MUC5AC: variants seen among roughly 807,000 people sequenced by gnomAD.
MUC5AC encodes mucin-5AC.
MUC5AC carries 158 observed loss-of-function variants against 169.7 expected under a neutral mutation model. That is an observed-to-expected ratio of 0.93 (90% confidence interval 0.82 to 1.06). The LOEUF (loss-of-function observed/expected upper bound fraction) is 1.06, where lower values mean the gene tolerates loss of function less well. Among genes scored for constraint, MUC5AC ranks in the 50% least tolerant of loss-of-function variants. The pLI is 0.00. For synonymous variants in MUC5AC, 1,975 were observed against 1,237.0 expected, an observed-to-expected ratio of 1.60 and a Z score of -12.52; for missense variants, 4,359 against 3,089.9, an observed-to-expected ratio of 1.41 and a Z score of -9.74.
chr11:1,199,930 T>C lies in MUC5AC; in HGVS notation c.16661T>C (p.Leu5554Pro). 1 of 764,344 alleles carries C rather than the reference T, an allele frequency of 1.3e-6. No homozygotes were observed. The allele number at this position is 764,344 out of a possible 1,614,324, so 47.3% of individuals were successfully genotyped here. ...TGCAGCTCCTCGGAGCCCGTGCGCCTGGCTTACTGCCGGGGGAACTGTGGG... is the reference window on the plus strand; with the variant it reads ...TGCAGCTCCTCGGAGCCCGTGCGCCCGGCTTACTGCCGGGGGAACTGTGGG... ...QGCSSSEPVR[L>P]AYCRGNCGDS... Residue 5554 changes from leucine to proline, a missense_variant, in exon 48 of 49, where the codon CTG (leucine) becomes CCG (proline). Transcript: ENST00000621226.
In MUC5AC at chr11:1,185,885, A is replaced by T; in HGVS notation, c.7740A>T (p.Thr2580=). The T allele has an allele frequency of 1.3e-6, 1 of 748,046 alleles. No individual in the cohort carries two copies. The highest frequency in any genetic ancestry group is 1.7e-5 in the African/African-American group (1 of 58,394). The allele number at this position is 748,046 out of a possible 1,614,324, so 46.3% of individuals were successfully genotyped here. Residue 2580 remains threonine, a synonymous_variant, in exon 31 of 49, where the codon ACA becomes ACT. Transcript: ENST00000621226. ...CCAGCCCTGTTCCTACCACGAGCAC[A>T]ACCTCTGCTCCTACAACCAGCACAA... ...TTPSPVPTTS[T]TSAPTTSTTS...
At chr11:1,177,767 G>T (rs1003421085) in intron 24 of MUC5AC, 134 bp downstream of exon 24, 7 of 396,846 alleles carry the variant, frequency 1.8e-5, no homozygotes, top group East Asian at 7.1e-5. Context: ...TGGGAAGTGG[G>T]GGGGACGGAG....
chr11:1,179,242 A>T lies in MUC5AC; in HGVS notation c.3478A>T (p.Ile1160Phe). ...GLCVSWRTPSICPLFCDYYNP... is the reference protein window; with the variant it reads ...GLCVSWRTPSFCPLFCDYYNP... ...GTGTGTGTCCTGGCGGACCCCGAGC[A>T]TCTGCCGTGAGTGCGAGTGGGCACC... is the stretch of plus-strand genomic sequence containing the variant. Residue 1160 changes from isoleucine (I) to phenylalanine (F), a missense_variant, in exon 26 of 49, where the codon ATC becomes TTC. Physicochemically the swap from Ile to Phe is conservative, Grantham distance 21. Coordinates refer to ENST00000621226, the MANE Select transcript of MUC5AC (RefSeq NM_001304359.2). 1.7e-6 allele frequency: 1 copy of T among 586,334 alleles called. No homozygotes were observed. Among genetic ancestry groups the T allele is most frequent in the Non-Finnish European group, 3.1e-6 (1 of 323,670 alleles). The allele number at this position is 586,334 out of a possible 1,614,324, so 36.3% of individuals were successfully genotyped here.
At chr11:1,173,292 TCCACTCACTCAC>T (rs1860593281) in intron 16 of MUC5AC, among the ~76,000 whole-genome samples, 46 of 126,838 alleles carry the variant, frequency 3.6e-4, no homozygotes, top group African/African-American at 5.4e-4. Context: ...CACTCACTCA[TCCACTCACTCAC>T]CCACTCACTC....
chr11:1,162,589 C>T lies in MUC5AC; in HGVS notation c.531C>T (p.Thr177=), dbSNP rs1307175535. The change falls in exon 5 of 49, where the codon ACC becomes ACT. Residue 177 remains threonine, a synonymous_variant. Transcript: ENST00000621226. ...TCATTCAGCAGAGCAGCAGCTACAC[C>T]AAGGTGGAGGCCAGGCTGGGCCTTG... ...GVLIQQSSSY[T]KVEARLGLVL... 8 of 1,612,630 alleles carry T rather than the reference C, an allele frequency of 5.0e-6. No individual in the cohort carries two copies. Among genetic ancestry groups the T allele is most frequent in the Non-Finnish European group, 6.8e-6 (8 of 1,179,874 alleles).
At chr11:1,175,877 T>G (rs1455812443) in intron 19 of MUC5AC, among the ~76,000 whole-genome samples, 3 of 127,224 alleles carry the variant, frequency 2.4e-5, no homozygotes, top group African/African-American at 9.5e-5. Context: ...ACACATCCAC[T>G]CATGCACATG....
chr11:1,165,909 G>C (rs28633709), intron 11 of MUC5AC, 149 bp downstream of exon 11: 267,725 of 1,116,628 alleles, frequency 0.24, 38,289 homozygotes, highest in African/African-American at 0.57. Flanking sequence ...AAGCACTCCA[G>C]CTCCCCAGCG....
In MUC5AC at chr11:1,188,509, C is replaced by T. The variant is rs1861009424; in HGVS notation, c.10364C>T (p.Thr3455Ile). The change falls in exon 31 of 49, where the codon ACC becomes ATC. Residue 3455 changes from threonine to isoleucine, a missense_variant. Coordinates refer to ENST00000621226, the MANE Select transcript of MUC5AC (RefSeq NM_001304359.2). ...STTSATTTST[T>I]SAPTSSTTST... ...ACCTCTGCTACTACAACCAGCACAA[C>T]CTCTGCCCCTACAAGCAGCACAACC... 4 of 723,174 alleles carry T rather than the reference C, an allele frequency of 5.5e-6. No homozygotes were observed. The highest frequency in any genetic ancestry group is 1.0e-5 in the Non-Finnish European group (4 of 395,438). The allele number at this position is 723,174 out of a possible 1,614,324, so 44.8% of individuals were successfully genotyped here.
intron 15 of MUC5AC, among the ~76,000 whole-genome samples, chr11:1,169,866 C>A: frequency 8.0e-6 from 1 of 125,720 alleles, no homozygotes; most frequent in South Asian, 3.0e-4. Flanking sequence ...ACCCATTCAC[C>A]CACTCACCCA....
At position 1,196,669 on chromosome 11, in the gene MUC5AC, A is replaced by G; in HGVS notation, c.15778A>G (p.Met5260Val). 1 of 762,666 alleles carries G rather than the reference A, an allele frequency of 1.3e-6. No homozygotes were observed. The allele number at this position is 762,666 out of a possible 1,614,324, so 47.2% of individuals were successfully genotyped here. ...CGAAGGCTGCTTCTGTCCGGAGGGC[A>G]TGACCCTCTTCAGCACCAGTGCCCA... ...ITEGCFCPEG[M>V]TLFSTSAQVC... The change falls in exon 39 of 49, where the codon ATG (methionine) becomes GTG (valine). Residue 5260 changes from methionine (M) to valine (V), a missense_variant. By Grantham distance (21) the Met-to-Val change is conservative (BLOSUM62 1). Coordinates refer to ENST00000621226, the MANE Select transcript of MUC5AC (RefSeq NM_001304359.2).
Position 1,190,308 on chromosome 11 carries a change from A to G in MUC5AC, c.12163A>G (p.Lys4055Glu). The G allele has an allele frequency of 1.5e-6, 1 of 687,118 alleles. No individual in the cohort carries two copies. Among genetic ancestry groups the G allele is most frequent in the Non-Finnish European group, 2.6e-6 (1 of 380,056 alleles). The allele number at this position is 687,118 out of a possible 1,614,324, so 42.6% of individuals were successfully genotyped here. A position where few individuals can be genotyped will look rare whatever the true frequency, so the allele number is the denominator to read the frequency against. ...EVRVLCCETP[K>E]GCPVTSTPVT... ...GCGTGTGCTCTGCTGCGAGACCCCC[A>G]AAGGCTGCCCCGTGACCTCCACACC... The change falls in exon 31 of 49, where the codon AAA (lysine) becomes GAA (glutamate). Residue 4055 changes from lysine to glutamate, a missense_variant. Physicochemically the swap from Lys to Glu is moderately conservative, Grantham distance 56. Coordinates refer to ENST00000621226, the MANE Select transcript of MUC5AC (RefSeq NM_001304359.2).
Position 1,196,928 on chromosome 11 carries a change from C to T in MUC5AC, c.15861+20C>T. 1 of 760,054 alleles carries T rather than the reference C, an allele frequency of 1.3e-6. No homozygotes were observed. Among genetic ancestry groups the T allele is most frequent in the South Asian group, 1.4e-5 (1 of 73,354 alleles). 47.1% of individuals were successfully genotyped at this position (760,054 alleles called of 1,614,324 possible). On this transcript the variant is annotated intron_variant, in intron 40 of 48. Transcript: ENST00000621226. ...GTGAAGGTGAGTGGAAGGCATGGCCCAAGAGGGCACTGGGGTCCAAGAGCC... is the reference window on the plus strand; with the variant it reads ...GTGAAGGTGAGTGGAAGGCATGGCCTAAGAGGGCACTGGGGTCCAAGAGCC...
chr11:1,193,576 T>C lies in MUC5AC; in HGVS notation c.14672T>C (p.Val4891Ala). The C allele has an allele frequency of 1.3e-6, 1 of 764,694 alleles. No homozygotes were observed. The allele number at this position is 764,694 out of a possible 1,614,324, so 47.4% of individuals were successfully genotyped here. ...ISLRPRTCPRVEKPTCANGYP... is the reference protein window; with the variant it reads ...ISLRPRTCPRAEKPTCANGYP... ...CTGCGCCCGCGCACGTGCCCGAGGG[T>C]GGAGAAGCCCACTTGTGCCAACGGC... Residue 4891 changes from valine to alanine, a missense_variant, in exon 33 of 49, where the codon GTG (valine) becomes GCG (alanine). By Grantham distance (64) the Val-to-Ala change is moderately conservative. Transcript: ENST00000621226.
In MUC5AC at chr11:1,157,988, G is replaced by C; in HGVS notation, c.-12G>C. ...GCTGAGGGACAGGGCACTCTTCCCC[G>C]CCGTCCACACAATGAGTGTTGGCCG... On this transcript the variant is annotated 5_prime_UTR_variant, in exon 1 of 49. Coordinates refer to ENST00000621226, the MANE Select transcript of MUC5AC (RefSeq NM_001304359.2). 6.4e-7 allele frequency: 1 copy of C among 1,571,776 alleles called. No individual in the cohort carries two copies. Among genetic ancestry groups the C allele is most frequent in the Non-Finnish European group, 8.6e-7 (1 of 1,158,396 alleles).
In MUC5AC at chr11:1,160,630, C is replaced by A; in HGVS notation, c.92C>A (p.Ser31Tyr). Residue 31 changes from serine to tyrosine, a missense_variant, in exon 2 of 49, where the codon TCC becomes TAC. Ser to Tyr is a moderately radical substitution (Grantham distance 144). Coordinates refer to ENST00000621226, the MANE Select transcript of MUC5AC (RefSeq NM_001304359.2). ...TCTGCAGGCCATGCCCAGGATGGCT[C>A]CTCCGAATCCAGCTACAAGCACCAC... ...TRHTGHAQDG[S>Y]SESSYKHHPA... 2 of 1,609,814 alleles carry A rather than the reference C, an allele frequency of 1.2e-6. No homozygotes were observed. The highest frequency in any genetic ancestry group is 1.7e-6 in the Non-Finnish European group (2 of 1,179,552).
rs987433848 is a variant in MUC5AC at position 1,174,095 on chromosome 11, T to C, written c.1966-401T>C. ...TTCACTCATTGGTTAACCATGTTTA[T>C]GGCATTTTTCTTGCACTTCCAGCCC... On this transcript the variant is annotated intron_variant, in intron 16 of 48. Coordinates refer to ENST00000621226, the MANE Select transcript of MUC5AC (RefSeq NM_001304359.2). 2.4e-3 allele frequency among the ~76,000 whole-genome samples: 363 copies of C among 152,390 alleles called. 2 individuals carry two copies. The highest frequency in any genetic ancestry group is 8.6e-3 in the African/African-American group (356 of 41,584).
rs1861414674 is a variant in MUC5AC at position 1,200,920 on chromosome 11, GC to G, written c.*222del. On this transcript the variant is annotated 3_prime_UTR_variant, in exon 49 of 49. Coordinates refer to ENST00000621226, the MANE Select transcript of MUC5AC (RefSeq NM_001304359.2). ...CGCCTGCAGCCACCTCTCAGGACCA[GC>G]CCCGGGGCTGGCCGAGCTCCTCTGG... 6.8e-6 allele frequency: 3 copies of G among 442,478 alleles called. No individual in the cohort carries two copies. Among genetic ancestry groups the G allele is most frequent in the South Asian group, 1.2e-4 (2 of 16,682 alleles). 27.4% of individuals were successfully genotyped at this position (442,478 alleles called of 1,614,324 possible). A position where few individuals can be genotyped will look rare whatever the true frequency, so the allele number is the denominator to read the frequency against.
At chr11:1,179,487 A>C (rs1458010571) in intron 26 of MUC5AC, among the ~76,000 whole-genome samples, 1 of 139,972 alleles carries the variant, frequency 7.1e-6, no homozygotes, top group African/African-American at 2.7e-5. Flanking sequence ...TGGCTGACAG[A>C]GGGGTCGCTG....
At position 1,160,510 on chromosome 11, in the gene MUC5AC, G is replaced by A. The variant is rs1012513333; in HGVS notation, c.74-102G>A. 6 of 999,566 alleles carry A rather than the reference G, an allele frequency of 6.0e-6. No individual in the cohort carries two copies. In the African/African-American group the frequency reaches 9.6e-5, roughly 16 times the overall value. The allele number at this position is 999,566 out of a possible 1,614,324, so 61.9% of individuals were successfully genotyped here. A position where few individuals can be genotyped will look rare whatever the true frequency, so the allele number is the denominator to read the frequency against. On this transcript the variant is annotated intron_variant, in intron 1 of 48. Coordinates refer to ENST00000621226, the MANE Select transcript of MUC5AC (RefSeq NM_001304359.2). ...TTGCCACGGGCCACCCCCACGCACT[G>A]TGGCCTCCCGTCCCTCTGGTGTCCA...
Sources: gnomAD v4.1 joint callset for allele counts (sites outside exome capture counted in the v4.1 genomes callset) on GRCh38, gnomAD v4.1.1 for gene constraint, MANE v1.5 for transcripts, NCBI Gene and HGNC (gene_info 2026-07-23, HGNC 2026-07-21) for gene names.